ARHGAP32: variants seen among roughly 807,000 people sequenced by gnomAD.
The protein encoded by ARHGAP32 is rho GTPase-activating protein 32.
In ARHGAP32, 51 loss-of-function variants were observed where a neutral mutation model predicts 186.5. That is an observed-to-expected ratio of 0.27 (90% confidence interval 0.22 to 0.35). The LOEUF is 0.35. Ranked by LOEUF, ARHGAP32 falls within the 10% of genes least tolerant of loss-of-function variation. ARHGAP32 has a pLI of 1.00. For missense variants in ARHGAP32, 2,186 were observed against 2,623.5 expected (o/e 0.83, Z 3.64); for synonymous variants, 950 against 964.3 (o/e 0.99, Z 0.27).
intron 2 of ARHGAP32, among the ~76,000 whole-genome samples, chr11:129,133,819 C>A (rs1942874262): frequency 6.6e-6 from 1 of 152,148 alleles, no homozygotes; most frequent in African/African-American, 2.4e-5. Context: ...GCCCTTCCGG[C>A]ATGAAGAGAG....
rs578061483 is a variant in ARHGAP32 at position 129,177,532 on chromosome 11, C to T, written c.117-13105G>A. ...TCCTTGATGAACATTGATGCAAAAA[C>T]CCTTAATAAAATACTGGCAAACTGA... On this transcript the variant is annotated intron_variant, in intron 1 of 22. Transcript: ENST00000682385. Among the ~76,000 whole-genome samples the T allele has an allele frequency of 4.1e-4, 62 of 152,124 alleles. No homozygotes were observed. The South Asian group carries it at 6.9e-3, about 17-fold the overall frequency.
intron 11 of ARHGAP32, among the ~76,000 whole-genome samples, chr11:129,008,819 T>C (rs1409131642): frequency 1.3e-5 from 2 of 152,232 alleles, no homozygotes; most frequent in Non-Finnish European, 2.9e-5. Flanking sequence ...CATGCTCACT[T>C]TTCTACTAAT....
intron 2 of ARHGAP32, among the ~76,000 whole-genome samples, chr11:129,134,503 C>A (rs555153558): frequency 3.3e-5 from 5 of 151,884 alleles, no homozygotes; most frequent in Non-Finnish European, 7.4e-5. Context: ...AGTAAATACA[C>A]AAAAATTAAC....
chr11:129,118,262 C>T (rs550865414), intron 5 of ARHGAP32, among the ~76,000 whole-genome samples: 28 of 151,870 alleles, frequency 1.8e-4, no homozygotes, highest in African/African-American at 5.1e-4. Flanking sequence ...TGGTTTATGA[C>T]GAAGCTAGTT....
In ARHGAP32 at chr11:129,051,953, CAAAAAAAAAA is replaced by C. The variant is rs36014500; in HGVS notation, c.963+10317_963+10326del. On this transcript the variant is annotated intron_variant, in intron 10 of 22. Coordinates refer to ENST00000682385, the MANE Select transcript of ARHGAP32 (RefSeq NM_001378024.1). ...CTGGTGACACAGCAAGATTCTGTCT[CAAAAAAAAAA>C]AAAAAAAAAAAAAAAAAGAGACATC... 7.4e-3 allele frequency among the ~76,000 whole-genome samples: 529 copies of C among 71,146 alleles called. 9 individuals are homozygous for C. The highest frequency in any genetic ancestry group is 0.029 in the African/African-American group (503 of 17,242). The allele number at this position is 71,146 out of a possible 152,430, so 46.7% of individuals were successfully genotyped here.
At chr11:129,046,018 G>C (rs1405320880) in intron 10 of ARHGAP32, among the ~76,000 whole-genome samples, 1 of 152,182 alleles carries the variant, frequency 6.6e-6, no homozygotes, top group Admixed American at 6.5e-5. Flanking sequence ...CACCAGACAT[G>C]CTAATCTATA....
intron 6 of ARHGAP32, among the ~76,000 whole-genome samples, chr11:129,074,239 T>C (rs1194892096): frequency 2.6e-5 from 4 of 151,754 alleles, no homozygotes; most frequent in African/African-American, 4.8e-5. Context: ...GTTCAAATAA[T>C]AGCAACAACA....
At position 129,150,998 on chromosome 11, in the gene ARHGAP32, C is replaced by T. The variant is rs560731869; in HGVS notation, c.225+13321G>A. Among the ~76,000 whole-genome samples, 99 of 149,840 alleles carry T rather than the reference C, an allele frequency of 6.6e-4. No individual in the cohort carries two copies. The South Asian group carries it at 0.015, about 22-fold the overall frequency. Reference sequence around the variant, plus strand: ...TCTTCAAGAGACTCCCCTAAGGTGACAACTCAACAAAACTTAAGGTAAAGG... The same window carrying T: ...TCTTCAAGAGACTCCCCTAAGGTGATAACTCAACAAAACTTAAGGTAAAGG... On this transcript the variant is annotated intron_variant, in intron 2 of 22. Transcript: ENST00000682385.
At chr11:129,131,146 A>C (rs1426075088) in intron 2 of ARHGAP32, among the ~76,000 whole-genome samples, 1 of 152,208 alleles carries the variant, frequency 6.6e-6, no homozygotes, top group Non-Finnish European at 1.5e-5. Flanking sequence ...TCATAGAAAT[A>C]AGTGTTACAA....
At chr11:129,204,846 T>C (rs192379230) in intron 1 of ARHGAP32, among the ~76,000 whole-genome samples, 2 of 152,320 alleles carry the variant, frequency 1.3e-5, no homozygotes. Flanking sequence ...GTATCTTATT[T>C]TGATTTAAAG....
chr11:129,079,111 A>G (rs1043104085), intron 6 of ARHGAP32, among the ~76,000 whole-genome samples: 4 of 152,228 alleles, frequency 2.6e-5, no homozygotes, highest in Non-Finnish European at 5.9e-5. Flanking sequence ...AGTTTGGGAT[A>G]ATGTTAGATG....
At chr11:129,197,343 C>T (rs565861785) in intron 1 of ARHGAP32, among the ~76,000 whole-genome samples, 3 of 152,256 alleles carry the variant, frequency 2.0e-5, no homozygotes, top group Admixed American at 6.5e-5. Context: ...CAGGATATCA[C>T]ACAGCAAAAC....
intron 1 of ARHGAP32, among the ~76,000 whole-genome samples, chr11:129,238,839 T>A (rs1405322586): frequency 6.9e-6 from 1 of 144,370 alleles, no homozygotes; most frequent in African/African-American, 2.5e-5. Flanking sequence ...ATTTTCACAA[T>A]AATAATTTTT....
At position 129,017,447 on chromosome 11, in the gene ARHGAP32, C is replaced by CAA. The variant is rs71472084; in HGVS notation, c.1046-18981_1046-18980dup. ...AGGTGACAAGAGCAAGACCCGGTCT[C>CAA]AAAAAAAAAAAAAAAGAAAAAGAAA... On this transcript the variant is annotated intron_variant, in intron 11 of 22. Transcript: ENST00000682385. Among the ~76,000 whole-genome samples the CAA allele has an allele frequency of 3.0e-3, 268 of 89,526 alleles. 1 individual carries two copies. The highest frequency in any genetic ancestry group is 8.5e-3 in the African/African-American group (206 of 24,208). The allele number at this position is 89,526 out of a possible 152,430, so 58.7% of individuals were successfully genotyped here.
intron 1 of ARHGAP32, among the ~76,000 whole-genome samples, chr11:129,259,293 G>A (rs1034145980): frequency 2.0e-5 from 3 of 152,038 alleles, no homozygotes; most frequent in Admixed American, 6.6e-5. Flanking sequence ...AAATAAAGTC[G>A]TGTTTGGGCC....
chr11:129,117,776 C>T (rs1480262558), intron 5 of ARHGAP32, among the ~76,000 whole-genome samples: 5 of 151,802 alleles, frequency 3.3e-5, no homozygotes, highest in Non-Finnish European at 7.4e-5. Flanking sequence ...TCCCCCCCTA[C>T]ACACTAGATG....
chr11:129,242,959 C>T (rs187197333), intron 1 of ARHGAP32, among the ~76,000 whole-genome samples: 1 of 152,216 alleles, frequency 6.6e-6, no homozygotes, highest in African/African-American at 2.4e-5. Flanking sequence ...ATGACAACTT[C>T]ATCCACTTCA....
chr11:129,136,945 T>C (rs568688625), intron 2 of ARHGAP32, among the ~76,000 whole-genome samples: 405 of 152,126 alleles, frequency 2.7e-3, no homozygotes, highest in African/African-American at 9.2e-3. Context: ...AAATGCCATA[T>C]GCATCCATAA....
rs35010486 is a variant in ARHGAP32, at chr11:129,034,851, T to TAAA, written c.1045+6074_1045+6076dup. ...GAAAAAGAAGAAAAAGAAAACAGAGTAAAAAAAAAAAAAGAAAAAACAGAG... is the reference window on the plus strand; with the variant it reads ...GAAAAAGAAGAAAAAGAAAACAGAGTAAAAAAAAAAAAAAAAGAAAAAACAGAG... On this transcript the variant is annotated intron_variant, in intron 11 of 22. Transcript: ENST00000682385. Among the ~76,000 whole-genome samples, 165 of 137,232 alleles carry TAAA rather than the reference T, an allele frequency of 1.2e-3. 3 individuals carry two copies. Among genetic ancestry groups the TAAA allele is most frequent in the East Asian group, 1.0e-2 (48 of 4,818 alleles). The allele number at this position is 137,232 out of a possible 152,430, so 90.0% of individuals were successfully genotyped here.
Sources: gnomAD v4.1 joint callset for allele counts (sites outside exome capture counted in the v4.1 genomes callset) on GRCh38, gnomAD v4.1.1 for gene constraint, MANE v1.5 for transcripts, NCBI Gene and HGNC (gene_info 2026-07-23, HGNC 2026-07-21) for gene names.